Variants in VPS45 observed in about 807,000 individuals in gnomAD.
VPS45 encodes the protein vacuolar protein sorting 45 homolog, also known as vacuolar protein sorting-associated protein 45.
A neutral mutation model predicts 75.9 loss-of-function variants in VPS45; 35 were observed. That is an observed-to-expected ratio of 0.46 (90% CI 0.35 to 0.61). The LOEUF (loss-of-function observed/expected upper bound fraction) is 0.61, where lower values mean the gene tolerates loss of function less well. Among genes scored for constraint, VPS45 ranks in the 20% least tolerant of loss-of-function variants. The probability of loss-of-function intolerance (pLI) is 0.00; values close to 1 mark genes in which losing one functional copy is unlikely to be tolerated. For synonymous variants in VPS45, 220 were observed against 238.2 expected, an observed-to-expected ratio of 0.92 and a Z score of 0.70; for missense variants, 559 against 685.9, an observed-to-expected ratio of 0.81 and a Z score of 2.07.
At chr1:150,116,545 C>G (rs1657941543) in intron 14 of VPS45, among the ~76,000 whole-genome samples, 1 of 152,090 alleles carries the variant, frequency 6.6e-6, no homozygotes, top group Non-Finnish European at 1.5e-5. Flanking sequence ...TATTGGAAGC[C>G]AGAACCCATG....
chr1:150,143,587 C>CA (rs1553815864), intron 14 of VPS45, among the ~76,000 whole-genome samples: 137,119 of 144,062 alleles, frequency 0.95, 65,314 homozygotes, highest in South Asian at 1. Flanking sequence ...GACTCCGTCT[C>CA]AAAAAAAAAA....
chr1:150,128,615 A>C (rs1362531700), intron 14 of VPS45, among the ~76,000 whole-genome samples: 4 of 152,190 alleles, frequency 2.6e-5, no homozygotes, highest in Non-Finnish European at 5.9e-5. Context: ...TCTCTGAATT[A>C]TTTACAGAAA....
intron 14 of VPS45, among the ~76,000 whole-genome samples, chr1:150,111,264 C>A (rs1390664659): frequency 6.6e-6 from 1 of 152,090 alleles, no homozygotes; most frequent in Non-Finnish European, 1.5e-5. Flanking sequence ...TTAGCTGAGC[C>A]TTGGGTGAAA....
intron 14 of VPS45, among the ~76,000 whole-genome samples, chr1:150,141,101 C>T (rs587605284): frequency 6.6e-6 from 1 of 152,276 alleles, no homozygotes; most frequent in Admixed American, 6.5e-5. Context: ...TTAATAATTT[C>T]ATCTTATCCT....
chr1:150,097,090 C>CTTTTT (rs71743388), intron 13 of VPS45, among the ~76,000 whole-genome samples: 1 of 138,384 alleles, frequency 7.2e-6, no homozygotes, highest in African/African-American at 2.9e-5. Flanking sequence ...ACATTTCTTT[C>CTTTTT]TTTTTTTTTT....
chr1:150,112,557 C>T (rs1657701899), intron 14 of VPS45, among the ~76,000 whole-genome samples: 2 of 152,040 alleles, frequency 1.3e-5, no homozygotes, highest in African/African-American at 4.8e-5. Flanking sequence ...TTCTTCTTGA[C>T]ACCAAATACA....
In VPS45 at chr1:150,099,239, G is replaced by T. The variant is rs587630445; in HGVS notation, c.1493+5591G>T. 1.6e-4 allele frequency among the ~76,000 whole-genome samples: 25 copies of T among 152,176 alleles called. No homozygotes were observed. The South Asian group carries it at 5.2e-3, about 32-fold the overall frequency. Reference sequence around the variant, plus strand: ...AAGGTGGGCAATGTGTCTCATGCTTGTAATCCCAGCACTTTGGGAGGCTGA... The same window carrying T: ...AAGGTGGGCAATGTGTCTCATGCTTTTAATCCCAGCACTTTGGGAGGCTGA... On this transcript the variant is annotated intron_variant, in intron 13 of 14. Coordinates refer to ENST00000644510, the MANE Select transcript of VPS45 (RefSeq NM_007259.5).
chr1:150,130,112 G>C (rs887996620), intron 14 of VPS45, among the ~76,000 whole-genome samples: 3 of 151,202 alleles, frequency 2.0e-5, no homozygotes, highest in Non-Finnish European at 2.9e-5. Context: ...AGATCCTGCA[G>C]CCTCGGTCTC....
chr1:150,088,901 T>G (rs782002825), intron 10 of VPS45, among the ~76,000 whole-genome samples: 6 of 152,236 alleles, frequency 3.9e-5, no homozygotes, highest in Non-Finnish European at 8.8e-5. Context: ...AACATACTGA[T>G]TTCATTTCCT....
chr1:150,070,312 A>T lies in VPS45; in HGVS notation c.228+1548A>T, dbSNP rs587603984. On this transcript the variant is annotated intron_variant, in intron 2 of 14. Coordinates refer to ENST00000644510, the MANE Select transcript of VPS45 (RefSeq NM_007259.5). ...CTGTCACACAGTGGACACTCAATAA[A>T]CAGTTGCTGAATTAATGAACACATG... 1.2e-4 allele frequency among the ~76,000 whole-genome samples: 19 copies of T among 152,132 alleles called. No individual in the cohort carries two copies. The South Asian group carries it at 3.9e-3, about 32-fold the overall frequency.
intron 9 of VPS45, among the ~76,000 whole-genome samples, 187 bp from the exon 10 acceptor site, chr1:150,082,529 A>AAG (rs1328713225): frequency 6.7e-6 from 1 of 150,132 alleles, no homozygotes; most frequent in African/African-American, 2.5e-5. Flanking sequence ...AAAAAAAAAA[A>AAG]CTCAGTCTAC....
chr1:150,118,371 G>A (rs140203847), intron 14 of VPS45, among the ~76,000 whole-genome samples: 1 of 151,796 alleles, frequency 6.6e-6, no homozygotes. Flanking sequence ...AACATCTAGG[G>A]TTTTCCTTAA....
Position 150,118,511 on chromosome 1 carries a change from TTC to T in VPS45, c.1625+7887_1625+7888del, listed in dbSNP as rs367689822. ...ACCTCTGCCTCCCGGATTCAAGCAA[TTC>T]TCCTGCCTCAGCCTCCAGAGTAGCT... On this transcript the variant is annotated intron_variant, in intron 14 of 14. Coordinates refer to ENST00000644510, the MANE Select transcript of VPS45 (RefSeq NM_007259.5). 5.5e-3 allele frequency among the ~76,000 whole-genome samples: 832 copies of T among 151,974 alleles called. 7 individuals are homozygous for T. The highest frequency in any genetic ancestry group is 0.027 in the Middle Eastern group (8 of 294).
At chr1:150,128,638 A>G (rs782100280) in intron 14 of VPS45, among the ~76,000 whole-genome samples, 3 of 152,220 alleles carry the variant, frequency 2.0e-5, no homozygotes, top group African/African-American at 4.8e-5. Flanking sequence ...TTAGGATACT[A>G]TGACAGAATT....
At chr1:150,075,202 G>T (rs1424963248) in intron 3 of VPS45, among the ~76,000 whole-genome samples, 1 of 141,666 alleles carries the variant, frequency 7.1e-6, no homozygotes, top group African/African-American at 2.6e-5. Flanking sequence ...ACACATTGCT[G>T]TTGGTTGATA....
intron 13 of VPS45, among the ~76,000 whole-genome samples, chr1:150,102,547 C>A (rs78358674): frequency 1.3e-3 from 192 of 142,984 alleles, no homozygotes; most frequent in South Asian, 2.0e-3. Context: ...AACTCTGTCT[C>A]AAAAAAAAAA....
At chr1:150,140,203 C>T (rs1553814939) in intron 14 of VPS45, among the ~76,000 whole-genome samples, 1 of 152,180 alleles carries the variant, frequency 6.6e-6, no homozygotes. Flanking sequence ...CGCACCCAGC[C>T]CAGTCACTAG....
intron 5 of VPS45, 28 bp downstream of exon 5, chr1:150,077,012 G>C: frequency 6.2e-7 from 1 of 1,613,868 alleles, no homozygotes; most frequent in Non-Finnish European, 8.5e-7. Context: ...TAATTTATCA[G>C]TCGAGAGTTA....
At chr1:150,122,227 A>G (rs1658272532) in intron 14 of VPS45, among the ~76,000 whole-genome samples, 1 of 152,116 alleles carries the variant, frequency 6.6e-6, no homozygotes, top group South Asian at 2.1e-4. Flanking sequence ...AGGCTGAGGC[A>G]GGAGAATCAC....
Sources: gnomAD v4.1 joint callset for allele counts (sites outside exome capture counted in the v4.1 genomes callset) on GRCh38, gnomAD v4.1.1 for gene constraint, MANE v1.5 for transcripts, NCBI Gene and HGNC (gene_info 2026-07-23, HGNC 2026-07-21) for gene names.